The following TMEM132B variants were observed in gnomAD, a reference collection of about 807,000 sequenced individuals.
TMEM132B encodes transmembrane protein 132B.
In TMEM132B, 18 loss-of-function variants were observed where a neutral mutation model predicts 90.8. That is an observed-to-expected ratio of 0.20 (90% confidence interval 0.14 to 0.29). The LOEUF is 0.29. Among genes scored for constraint, TMEM132B ranks in the 10% least tolerant of loss-of-function variants. The pLI, the probability that TMEM132B is intolerant of heterozygous loss-of-function variation, is 1.00. For missense variants in TMEM132B, 1,096 were observed against 1,326.8 expected (o/e 0.83, Z 2.70); for synonymous variants, 504 against 523.3 (o/e 0.96, Z 0.50).
In TMEM132B at chr12:125,195,945, G is replaced by A. The variant is rs116318810; in HGVS notation, c.67+9079G>A. Among the ~76,000 whole-genome samples the A allele has an allele frequency of 5.3e-3, 813 of 152,292 alleles. 7 individuals carry two copies. The highest frequency in any genetic ancestry group is 0.019 in the South Asian group (94 of 4,824). On this transcript the variant is annotated intron_variant, in intron 1 of 8. Transcript: ENST00000682704. ...AACAGCAGGAGGAAAGGAGGCCAGG[G>A]CAGTGAAAGTTCTAACCAAACTAGT...
intron 1 of TMEM132B, among the ~76,000 whole-genome samples, chr12:125,300,155 C>T (rs1332357198): frequency 6.6e-6 from 1 of 152,200 alleles, no homozygotes; most frequent in Non-Finnish European, 1.5e-5. Flanking sequence ...GAACCCCTCT[C>T]CCTACCCCAG....
chr12:125,210,902 G>T (rs1463090504), intron 1 of TMEM132B, among the ~76,000 whole-genome samples: 2 of 152,158 alleles, frequency 1.3e-5, no homozygotes, highest in Non-Finnish European at 1.5e-5. Context: ...AATCAAGGCT[G>T]CAGTGAGCTC....
intron 1 of TMEM132B, among the ~76,000 whole-genome samples, chr12:125,225,332 T>G (rs1190329634): frequency 1.3e-5 from 2 of 152,190 alleles, no homozygotes; most frequent in Non-Finnish European, 2.9e-5. Flanking sequence ...AAAATGCAGG[T>G]TAGAAAACTG....
intron 1 of TMEM132B, among the ~76,000 whole-genome samples, chr12:125,214,849 G>C (rs1873398593): frequency 6.6e-6 from 1 of 152,204 alleles, no homozygotes; most frequent in Admixed American, 6.5e-5. Flanking sequence ...GACAATGAGA[G>C]ACCCGGCTGG....
At chr12:125,589,338 C>CA in intron 5 of TMEM132B, among the ~76,000 whole-genome samples, 1 of 151,968 alleles carries the variant, frequency 6.6e-6, no homozygotes, top group East Asian at 1.9e-4. Flanking sequence ...AAAAATTAGC[C>CA]GGGCGTAGTG....
intron 1 of TMEM132B, among the ~76,000 whole-genome samples, chr12:125,238,400 A>G (rs1873990738): frequency 6.6e-6 from 1 of 151,920 alleles, no homozygotes; most frequent in African/African-American, 2.4e-5. Flanking sequence ...AAAAAACAAA[A>G]ACGCAGTCTC....
chr12:125,523,297 G>A (rs575483493), intron 4 of TMEM132B, among the ~76,000 whole-genome samples: 3 of 152,144 alleles, frequency 2.0e-5, no homozygotes, highest in Admixed American at 6.5e-5. Flanking sequence ...CCTTCTGGAA[G>A]CTCTAGGGGA....
At chr12:125,294,288 C>T (rs1028359254) in intron 1 of TMEM132B, among the ~76,000 whole-genome samples, 20 of 152,218 alleles carry the variant, frequency 1.3e-4, no homozygotes, top group African/African-American at 4.1e-4. Context: ...CTGGAATAGG[C>T]ATGCTTGCAT....
At chr12:125,439,061 C>T (rs1880785923) in intron 3 of TMEM132B, among the ~76,000 whole-genome samples, 1 of 152,088 alleles carries the variant, frequency 6.6e-6, no homozygotes, top group Admixed American at 6.5e-5. Flanking sequence ...GTTACCGTAG[C>T]CCTGTAGTAT....
intron 4 of TMEM132B, among the ~76,000 whole-genome samples, chr12:125,583,055 A>C (rs561235137): frequency 6.6e-6 from 1 of 152,344 alleles, no homozygotes; most frequent in South Asian, 2.1e-4. Flanking sequence ...CATTATATTG[A>C]AACAAAAAGA....
At chr12:125,540,309 A>G (rs980793777) in intron 4 of TMEM132B, among the ~76,000 whole-genome samples, 2 of 152,192 alleles carry the variant, frequency 1.3e-5, no homozygotes, top group Non-Finnish European at 2.9e-5. Flanking sequence ...TATTCTATAA[A>G]TGTCAGTTGG....
intron 3 of TMEM132B, among the ~76,000 whole-genome samples, chr12:125,420,671 G>A (rs992033871): frequency 6.6e-6 from 1 of 152,190 alleles, no homozygotes; most frequent in Admixed American, 6.5e-5. Context: ...ACATATGCAA[G>A]TTTCTGCAGC....
In TMEM132B at chr12:125,389,517, T is replaced by G. The variant is rs572595645; in HGVS notation, c.960-26014T>G. 2.0e-5 allele frequency among the ~76,000 whole-genome samples: 3 copies of G among 152,266 alleles called. No homozygotes were observed. The East Asian group carries it at 5.8e-4, about 29-fold the overall frequency. On this transcript the variant is annotated intron_variant, in intron 2 of 8. Coordinates refer to ENST00000682704, the MANE Select transcript of TMEM132B (RefSeq NM_001366854.1). ...AATGCTGGCTCTGGCTCTTGTTAGC[T>G]GTGTGATCTTGGGAAAATTACCTAA...
chr12:125,496,934 G>T (rs1268408939), intron 3 of TMEM132B, among the ~76,000 whole-genome samples: 1 of 152,224 alleles, frequency 6.6e-6, no homozygotes, highest in Non-Finnish European at 1.5e-5. Flanking sequence ...TCATTAGCTT[G>T]ATGGGACTTG....
chr12:125,546,870 A>C (rs577569914), intron 4 of TMEM132B, among the ~76,000 whole-genome samples: 2 of 152,322 alleles, frequency 1.3e-5, no homozygotes, highest in South Asian at 4.1e-4. Flanking sequence ...GTAATTTATA[A>C]AGGAAAGAGG....
rs142810353 is a variant in TMEM132B, at chr12:125,653,840, C to A, written c.2382C>A (p.Phe794Leu). 6.3e-5 allele frequency: 101 copies of A among 1,614,050 alleles called. No homozygotes were observed. In the African/African-American group the frequency reaches 1.1e-3, roughly 18 times the overall value. The stretch of plus-strand genomic sequence containing the variant: ...GTAAAGGAAATGTCAAGGTCAAATT[C>A]GAACCAAGTAGTGATGAGCACCAAG... ...AVGKGNVKVK[F>L]EPSSDEHQGG... Residue 794 changes from phenylalanine (F) to leucine (L), a missense_variant, in exon 9 of 9, where the codon TTC becomes TTA. Transcript: ENST00000682704.
intron 3 of TMEM132B, among the ~76,000 whole-genome samples, chr12:125,507,452 G>C (rs571886841): frequency 6.6e-6 from 1 of 152,162 alleles, no homozygotes; most frequent in Admixed American, 6.5e-5. Flanking sequence ...GATAGGGATC[G>C]CTCTAGTGTA....
chr12:125,248,357 C>T (rs1038984544), intron 1 of TMEM132B, among the ~76,000 whole-genome samples: 1 of 152,188 alleles, frequency 6.6e-6, no homozygotes, highest in Non-Finnish European at 1.5e-5. Context: ...TTAAAGCTCA[C>T]AACAGGCTTT....
rs1326463912 is a variant in TMEM132B at position 125,246,054 on chromosome 12, G to T, written c.67+59188G>T. On this transcript the variant is annotated intron_variant, in intron 1 of 8. Transcript: ENST00000682704. This position sits in a 1 kb window ranked among gnomAD's most constrained non-coding sequence, Gnocchi z 4.2. ...GTGTGCTTCTTCCACTGGAAGGATG[G>T]GCAGAGCCATTCCACTGACCAGTGG... is the stretch of plus-strand genomic sequence containing the variant. Among the ~76,000 whole-genome samples, 3 of 152,142 alleles carry T rather than the reference G, an allele frequency of 2.0e-5. No individual in the cohort carries two copies. In the East Asian group the frequency reaches 5.8e-4, roughly 29 times the overall value.
Sources: gnomAD v4.1 joint callset for allele counts (sites outside exome capture counted in the v4.1 genomes callset) on GRCh38, gnomAD v4.1.1 for gene constraint, Gnocchi (gnomAD v3.1) non-coding constraint, MANE v1.5 for transcripts, NCBI Gene and HGNC (gene_info 2026-07-23, HGNC 2026-07-21) for gene names.